Variants in KRT86 observed in about 807,000 individuals in gnomAD.
KRT86 encodes the protein keratin 86, also known as keratin, type II cuticular Hb6.
KRT86 carries 30 observed loss-of-function variants against 41.2 expected under a neutral mutation model. That is an observed-to-expected ratio of 0.73 (90% CI 0.54 to 0.99). KRT86 has a LOEUF of 0.99. Among genes scored for constraint, KRT86 ranks in the 50% least tolerant of loss-of-function variants. The probability of loss-of-function intolerance (pLI) is 0.00; values close to 1 mark genes in which losing one functional copy is unlikely to be tolerated. For missense variants in KRT86, 561 were observed against 571.4 expected (o/e 0.98, Z 0.19); for synonymous variants, 238 against 238.1 (o/e 1.00, Z 0.00).
Position 52,301,963 on chromosome 12 carries a change from C to G in KRT86, c.47C>G (p.Ser16Trp), listed in dbSNP as rs1001067984. The change falls in exon 3 of 11, where the codon TCG (serine) becomes TGG (tryptophan). Residue 16 changes from serine to tryptophan, a missense_variant. Physicochemically the swap from Ser to Trp is radical, Grantham distance 177. This residue lies in a region of KRT86 where 164 missense variants were observed against 172.5 expected (regional missense o/e 0.95). Transcript: ENST00000423955. ...GGTGGCCGCGCCTTCAGCTGCATCT[C>G]GGCCTGCGGGCCCCGGCCCGGCCGC... ...YCGGRAFSCI[S>W]ACGPRPGRCC... The G allele has an allele frequency of 6.2e-7, 1 of 1,613,720 alleles. No individual in the cohort carries two copies. The highest frequency in any genetic ancestry group is 1.7e-5 in the Admixed American group (1 of 60,030).
chr12:52,304,789 A>C, intron 5 of KRT86, 143 bp from the exon 6 acceptor site: 1 of 950,276 alleles, frequency 1.1e-6, no homozygotes, highest in Non-Finnish European at 1.7e-6. Flanking sequence ...CACCCCGGGA[A>C]GGGCCAGAAG....
At chr12:52,285,837 T>C (rs1410804884) in intron 2 of KRT86, 1 of 257,250 alleles carries the variant, frequency 3.9e-6, no homozygotes, top group Non-Finnish European at 7.7e-6. Flanking sequence ...GGCCTTTTGC[T>C]GCTCCATGTG....
intron 2 of KRT86, chr12:52,287,768 T>C (rs779523514): frequency 6.2e-6 from 10 of 1,613,818 alleles, no homozygotes; most frequent in African/African-American, 2.7e-5. Flanking sequence ...GGACCTCCCA[T>C]CCATTCAGGA....
intron 2 of KRT86, chr12:52,291,259 G>A (rs1460640142): frequency 2.0e-6 from 3 of 1,520,748 alleles, no homozygotes; most frequent in East Asian, 4.9e-5. Flanking sequence ...GCCCGCACAC[G>A]CCCCCGGAGC....
chr12:52,285,656 C>A (rs981273831), intron 2 of KRT86, among the ~76,000 whole-genome samples: 4 of 152,190 alleles, frequency 2.6e-5, no homozygotes, highest in African/African-American at 9.7e-5. Flanking sequence ...AAGTGGGTGA[C>A]CCTGCCCCAA....
chr12:52,281,915 A>C (rs2121206033), intron 2 of KRT86, among the ~76,000 whole-genome samples: 1 of 151,936 alleles, frequency 6.6e-6, no homozygotes, highest in Non-Finnish European at 1.5e-5. Context: ...ATTAAAAAAA[A>C]AGTTTTGTAG....
chr12:52,278,837 C>T, intron 2 of KRT86: 1 of 152,104 alleles, frequency 6.6e-6, no homozygotes, highest in Non-Finnish European at 1.5e-5. Context: ...TCCCTCTGTG[C>T]CTCTCCTTTT....
intron 2 of KRT86, among the ~76,000 whole-genome samples, chr12:52,296,583 A>C (rs1354814371): frequency 6.6e-6 from 1 of 151,920 alleles, no homozygotes. Context: ...GTCCAGTGGG[A>C]CTCCTCTCTG....
At chr12:52,300,509 C>A (rs17655636) in intron 2 of KRT86, among the ~76,000 whole-genome samples, 61,883 of 151,984 alleles carry the variant, frequency 0.41, 13,596 homozygotes, top group African/African-American at 0.57. Flanking sequence ...AAAGCCTTAA[C>A]CTATTTCCCA....
intron 2 of KRT86, 164 bp from the exon 3 acceptor site, chr12:52,301,749 C>A (rs1277595351): frequency 1.4e-6 from 2 of 1,395,282 alleles, no homozygotes; most frequent in Non-Finnish European, 2.0e-6. Context: ...GCTAAACAAC[C>A]CAAGCCCATA....
chr12:52,308,676 C>T lies in KRT86; in HGVS notation c.*91C>T. The T allele has an allele frequency of 2.4e-6, 3 of 1,241,574 alleles. No individual in the cohort carries two copies. The highest frequency in any genetic ancestry group is 5.0e-5 in the East Asian group (2 of 40,396). 76.9% of individuals were successfully genotyped at this position (1,241,574 alleles called of 1,614,324 possible). On this transcript the variant is annotated 3_prime_UTR_variant, in exon 11 of 11. Transcript: ENST00000423955. ...AGAACGCGCCGCCCGCGCCGGCCTC[C>T]CAATAGCCGCCGCCCGCTGCCTGCA...
chr12:52,291,417 C>T (rs768939809), intron 2 of KRT86: 2 of 1,611,864 alleles, frequency 1.2e-6, no homozygotes, highest in South Asian at 2.2e-5. Context: ...GGCCCGCAGG[C>T]CGAGATGCAG....
Position 52,286,966 on chromosome 12 carries a change from C to T in KRT86, c.-5+11020C>T, listed in dbSNP as rs1173505642. 3.2e-6 allele frequency: 5 copies of T among 1,550,662 alleles called. No homozygotes were observed. In the South Asian group the frequency reaches 4.5e-5, roughly 14 times the overall value. On this transcript the variant is annotated intron_variant, in intron 2 of 10. Coordinates refer to ENST00000423955, the MANE Select transcript of KRT86 (RefSeq NM_001320198.2). ...GCTTGCCTCAGACAAACTCACACAC[C>T]AGCCCTCCCCACACCGGAAGTGAAT... is the stretch of plus-strand genomic sequence containing the variant.
chr12:52,308,740 T>G lies in KRT86; in HGVS notation c.*155T>G. ...CCCCACCGCTCCGCTCCGGGAGCCA[T>G]CCCCGGTCGCAGGAGTCCGGGGAGG... On this transcript the variant is annotated 3_prime_UTR_variant, in exon 11 of 11. Coordinates refer to ENST00000423955, the MANE Select transcript of KRT86 (RefSeq NM_001320198.2). 1.4e-6 allele frequency: 1 copy of G among 702,452 alleles called. No individual in the cohort carries two copies. The highest frequency in any genetic ancestry group is 2.3e-6 in the Non-Finnish European group (1 of 426,710). 43.5% of individuals were successfully genotyped at this position (702,452 alleles called of 1,614,324 possible). A position where few individuals can be genotyped will look rare whatever the true frequency, so the allele number is the denominator to read the frequency against.
Position 52,302,846 on chromosome 12 carries a change from G to A in KRT86, c.370-254G>A, listed in dbSNP as rs1366511932. Among the ~76,000 whole-genome samples the A allele has an allele frequency of 3.3e-5, 4 of 122,666 alleles. No homozygotes were observed. In the East Asian group the frequency reaches 6.9e-4, roughly 21 times the overall value. 80.5% of individuals were successfully genotyped at this position (122,666 alleles called of 152,430 possible). A position where few individuals can be genotyped will look rare whatever the true frequency, so the allele number is the denominator to read the frequency against. ...TCATCTGCTTGGGTGGGGGGTGGGGGGGGGGTCACTCAACTCCCCAGGGAG... is the reference window on the plus strand; with the variant it reads ...TCATCTGCTTGGGTGGGGGGTGGGGAGGGGGTCACTCAACTCCCCAGGGAG... On this transcript the variant is annotated intron_variant, in intron 3 of 10. Coordinates refer to ENST00000423955, the MANE Select transcript of KRT86 (RefSeq NM_001320198.2).
intron 3 of KRT86, among the ~76,000 whole-genome samples, chr12:52,302,842 G>GC (rs1491513363): frequency 5.0e-5 from 1 of 20,116 alleles, no homozygotes; most frequent in South Asian, 2.1e-3. Context: ...GGTGGGGGGT[G>GC]GGGGGGGGGT....
intron 2 of KRT86, chr12:52,286,827 G>A: frequency 6.2e-7 from 1 of 1,613,886 alleles, no homozygotes. Context: ...CATAGCCTGA[G>A]GGCAAAAGAG....
At position 52,302,096 on chromosome 12, in the gene KRT86, A is replaced by T; in HGVS notation, c.180A>T (p.Gly60=). The change falls in exon 3 of 11, where the codon GGA becomes GGT. Residue 60 remains glycine (G), a synonymous_variant. Transcript: ENST00000423955. ...GAGGCTTTCGGGCCGGCTCCTGCGGACGCAGCTTCGGCTACCGCTCCGGGG... is the reference window on the plus strand; with the variant it reads ...GAGGCTTTCGGGCCGGCTCCTGCGGTCGCAGCTTCGGCTACCGCTCCGGGG... ...VCGGFRAGSC[G]RSFGYRSGGV... 1 of 1,576,552 alleles carries T rather than the reference A, an allele frequency of 6.3e-7. No individual in the cohort carries two copies. Among genetic ancestry groups the T allele is most frequent in the South Asian group, 1.1e-5 (1 of 88,540 alleles).
At chr12:52,300,923 G>A (rs994843344) in intron 2 of KRT86, among the ~76,000 whole-genome samples, 4 of 152,190 alleles carry the variant, frequency 2.6e-5, no homozygotes, top group Admixed American at 6.5e-5. Context: ...AGGTAATTGT[G>A]CTTTCCTGGG....
Sources: allele counts gnomAD v4.1 joint callset (sites outside exome capture counted in the v4.1 genomes callset), GRCh38; gene constraint gnomAD v4.1.1; regional missense constraint gnomAD v4.1.1; transcripts MANE v1.5; gene names NCBI Gene and HGNC (gene_info 2026-07-23, HGNC 2026-07-21).